GFRA2: variants seen among roughly 807,000 people sequenced by gnomAD.
The protein encoded by GFRA2 is GDNF family receptor alpha-2.
In GFRA2, 17 loss-of-function variants were observed where a neutral mutation model predicts 48.3. That is an observed-to-expected ratio of 0.35 (90% CI 0.24 to 0.53). GFRA2 has a LOEUF of 0.53. GFRA2 is among the 20% of genes least tolerant of loss of function. The pLI is 0.93. For missense variants in GFRA2, 660 were observed against 637.3 expected, an observed-to-expected ratio of 1.04 and a Z score of -0.38; for synonymous variants, 305 against 257.2, an observed-to-expected ratio of 1.19 and a Z score of -1.78.
At chr8:21,798,798 G>T (rs964025768) in intron 2 of GFRA2, among the ~76,000 whole-genome samples, 6 of 152,142 alleles carry the variant, frequency 3.9e-5, no homozygotes, top group Non-Finnish European at 8.8e-5. Context: ...CCAGTGACTC[G>T]GTGCTCCTTT....
chr8:21,745,834 G>A (rs979073856), intron 4 of GFRA2, among the ~76,000 whole-genome samples: 4 of 152,152 alleles, frequency 2.6e-5, no homozygotes, highest in African/African-American at 9.7e-5. Context: ...GCCCGGCCCA[G>A]GGAAGAGCCT....
At chr8:21,801,057 A>T (rs1807761434) in intron 2 of GFRA2, among the ~76,000 whole-genome samples, 1 of 152,162 alleles carries the variant, frequency 6.6e-6, no homozygotes, top group African/African-American at 2.4e-5. Flanking sequence ...AAGAAAAACA[A>T]TCAGCCCCTG....
intron 7 of GFRA2, among the ~76,000 whole-genome samples, chr8:21,697,119 G>C (rs1189688295): frequency 6.7e-6 from 1 of 149,228 alleles, no homozygotes; most frequent in Non-Finnish European, 1.5e-5. Context: ...GAGAGGGGAG[G>C]GGAGAGAAGG....
At chr8:21,763,052 T>G (rs1454654976) in intron 3 of GFRA2, among the ~76,000 whole-genome samples, 1 of 152,210 alleles carries the variant, frequency 6.6e-6, no homozygotes, top group Admixed American at 6.5e-5. Context: ...GAAATATACT[T>G]TTCTCACCAT....
intron 4 of GFRA2, among the ~76,000 whole-genome samples, chr8:21,746,310 G>A (rs1311868663): frequency 1.3e-5 from 2 of 152,076 alleles, no homozygotes; most frequent in African/African-American, 2.4e-5. Flanking sequence ...TTCCCTAAAG[G>A]GCACTTCTCC....
intron 1 of GFRA2, among the ~76,000 whole-genome samples, chr8:21,807,664 C>A (rs1259858834): frequency 6.6e-6 from 1 of 152,178 alleles, no homozygotes; most frequent in Non-Finnish European, 1.5e-5. Context: ...TGCATGCACA[C>A]CCCTTGTGTC....
At chr8:21,737,445 C>T (rs868520730) in intron 4 of GFRA2, among the ~76,000 whole-genome samples, 11 of 152,202 alleles carry the variant, frequency 7.2e-5, no homozygotes, top group Middle Eastern at 3.4e-3. Flanking sequence ...CTACTTCATG[C>T]TCTTATCAAG....
upstream of GFRA2, among the ~76,000 whole-genome samples, chr8:21,789,545 C>G (rs989499285): frequency 1.1e-4 from 16 of 152,098 alleles, no homozygotes; most frequent in Non-Finnish European, 2.4e-4. Context: ...GCCCAGGAGC[C>G]GAGGCCGACA....
rs555938427 is a variant in GFRA2 at position 21,714,378 on chromosome 8, A to T, written c.795-8337T>A. 1.1e-4 allele frequency among the ~76,000 whole-genome samples: 16 copies of T among 148,980 alleles called. No homozygotes were observed. In the South Asian group the frequency reaches 2.8e-3, roughly 26 times the overall value. On this transcript the variant is annotated intron_variant, in intron 4 of 8. Coordinates refer to ENST00000524240, the MANE Select transcript of GFRA2 (RefSeq NM_001495.5). ...ATTCCTGTGCCTCAGCCACCGGAGC[A>T]GCTGGAATTATAGGTATGCACCACC...
At chr8:21,737,604 G>A (rs747876321) in intron 4 of GFRA2, among the ~76,000 whole-genome samples, 5 of 152,004 alleles carry the variant, frequency 3.3e-5, no homozygotes, top group Non-Finnish European at 5.9e-5. Context: ...TCCCTCAGCC[G>A]GCACCTTCAG....
At chr8:21,710,696 C>T (rs1181404330) in intron 4 of GFRA2, among the ~76,000 whole-genome samples, 1 of 152,252 alleles carries the variant, frequency 6.6e-6, no homozygotes, top group Non-Finnish European at 1.5e-5. Flanking sequence ...TCAAAGCAGG[C>T]CTGATTGCTG....
At chr8:21,801,027 TGGA>T (rs1807760913) in intron 2 of GFRA2, among the ~76,000 whole-genome samples, 1 of 151,902 alleles carries the variant, frequency 6.6e-6, no homozygotes, top group African/African-American at 2.4e-5. Context: ...AGGAGATTTG[TGGA>T]GGAGACCTAT....
intron 4 of GFRA2, among the ~76,000 whole-genome samples, chr8:21,744,550 AACAC>A (rs71721911): frequency 0.14 from 19,644 of 139,748 alleles, 1,536 homozygotes; most frequent in Middle Eastern, 0.25. Flanking sequence ...AACCACCACC[AACAC>A]ACACACACAC....
intron 2 of GFRA2, among the ~76,000 whole-genome samples, chr8:21,776,258 C>T (rs1806702010): frequency 6.6e-6 from 1 of 152,096 alleles, no homozygotes; most frequent in Non-Finnish European, 1.5e-5. Context: ...CCCCTGCAGG[C>T]TCACCGAGCA....
chr8:21,780,423 C>G (rs372431825), intron 2 of GFRA2, among the ~76,000 whole-genome samples: 5,602 of 152,220 alleles, frequency 0.037, 337 homozygotes, highest in African/African-American at 0.13. Context: ...CTCTCCCCAG[C>G]ACCTTCTCAG....
chr8:21,758,783 T>C (rs1377909244), intron 3 of GFRA2, among the ~76,000 whole-genome samples: 1 of 152,092 alleles, frequency 6.6e-6, no homozygotes, highest in African/African-American at 2.4e-5. Context: ...AGCCCTGCTG[T>C]CTCACCTCAT....
intron 6 of GFRA2, among the ~76,000 whole-genome samples, chr8:21,704,200 T>G (rs993262981): frequency 6.6e-6 from 1 of 152,228 alleles, no homozygotes; most frequent in Admixed American, 6.5e-5. Context: ...GCCCCCTGCC[T>G]CTTCAACTGA....
intron 1 of GFRA2, among the ~76,000 whole-genome samples, chr8:21,783,893 T>G (rs1807136822): frequency 6.6e-6 from 1 of 152,008 alleles, no homozygotes; most frequent in African/African-American, 2.4e-5. Context: ...TGTCTTTCAA[T>G]GGCCTTGTTT....
At chr8:21,765,895 T>C (rs970356107) in intron 3 of GFRA2, among the ~76,000 whole-genome samples, 1 of 152,008 alleles carries the variant, frequency 6.6e-6, no homozygotes, top group African/African-American at 2.4e-5. Context: ...ACCTCCAAAA[T>C]ATATTCCCAG....
Sources: allele counts gnomAD v4.1 joint callset (sites outside exome capture counted in the v4.1 genomes callset), GRCh38; gene constraint gnomAD v4.1.1; transcripts MANE v1.5; gene names NCBI Gene and HGNC (gene_info 2026-07-23, HGNC 2026-07-21).